The following LMNB1 variants were observed in gnomAD, a reference collection of about 807,000 sequenced individuals.
The protein encoded by LMNB1 is lamin B1.
Under a neutral mutation model 67.1 loss-of-function variants are expected in LMNB1, and 23 were observed. The observed-to-expected ratio is 0.34, with a 90% CI of 0.25 to 0.49. LMNB1 has a LOEUF of 0.49. LMNB1 is among the 20% of genes least tolerant of loss of function. The pLI, the probability that LMNB1 is intolerant of heterozygous loss-of-function variation, is 0.99. For missense variants in LMNB1, 634 were observed against 746.5 expected (o/e 0.85, Z 1.76); for synonymous variants, 281 against 282.9 (o/e 0.99, Z 0.07).
In LMNB1 at chr5:126,830,305, A is replaced by G. The variant is rs1580558868; in HGVS notation, c.1612-2389A>G. Among the ~76,000 whole-genome samples, 3 of 152,222 alleles carry G rather than the reference A, an allele frequency of 2.0e-5. No individual in the cohort carries two copies. The South Asian group carries it at 6.2e-4, about 31-fold the overall frequency. ...CGCAGCAGGGGCGGACCAATGCTGC[A>G]TTTTATAGACAGAGTAAAGCCTGTC... On this transcript the variant is annotated intron_variant, in intron 9 of 10. Coordinates refer to ENST00000261366, the MANE Select transcript of LMNB1 (RefSeq NM_005573.4).
At chr5:126,831,267 G>T (rs1752123441) in intron 9 of LMNB1, among the ~76,000 whole-genome samples, 1 of 152,142 alleles carries the variant, frequency 6.6e-6, no homozygotes, top group African/African-American at 2.4e-5. Context: ...TTAGGACAGG[G>T]TACAGAATAA....
At position 126,822,894 on chromosome 5, in the gene LMNB1, A is replaced by G. The variant is rs1358094690; in HGVS notation, c.1491+9A>G. On this transcript the variant is annotated intron_variant, in intron 8 of 10. Coordinates refer to ENST00000261366, the MANE Select transcript of LMNB1 (RefSeq NM_005573.4). The stretch of plus-strand genomic sequence containing the variant: ...CAGGCCAGACTGTTACAGTAAGTGA[A>G]TCTAGTCATCATTTAATTTAACTTC... 1 of 1,486,726 alleles carries G rather than the reference A, an allele frequency of 6.7e-7. No homozygotes were observed. The highest frequency in any genetic ancestry group is 1.4e-5 in the African/African-American group (1 of 72,356). The allele number at this position is 1,486,726 out of a possible 1,614,324, so 92.1% of individuals were successfully genotyped here. A position where few individuals can be genotyped will look rare whatever the true frequency, so the allele number is the denominator to read the frequency against.
At chr5:126,820,594 C>T (rs1751840558) in intron 6 of LMNB1, among the ~76,000 whole-genome samples, 2 of 152,090 alleles carry the variant, frequency 1.3e-5, no homozygotes, top group Non-Finnish European at 2.9e-5. Flanking sequence ...GGTGTGATCT[C>T]AGCTCACTGC....
intron 1 of LMNB1, among the ~76,000 whole-genome samples, chr5:126,793,303 G>A (rs1751012231): frequency 6.6e-6 from 1 of 151,088 alleles, no homozygotes; most frequent in Non-Finnish European, 1.5e-5. Flanking sequence ...ATACTCCTGT[G>A]CCTGTTTATG....
At chr5:126,809,428 T>G (rs1188423323) in intron 3 of LMNB1, among the ~76,000 whole-genome samples, 3 of 152,184 alleles carry the variant, frequency 2.0e-5, no homozygotes, top group Non-Finnish European at 2.9e-5. Context: ...GGTTCACACC[T>G]GTAATCCCAG....
At chr5:126,825,317 A>T (rs768385438) in intron 8 of LMNB1, among the ~76,000 whole-genome samples, 1 of 152,188 alleles carries the variant, frequency 6.6e-6, no homozygotes, top group African/African-American at 2.4e-5. Flanking sequence ...GACCTATTTC[A>T]ATAGCAATTA....
intron 3 of LMNB1, among the ~76,000 whole-genome samples, chr5:126,807,119 T>C (rs959896157): frequency 5.3e-5 from 8 of 152,092 alleles, no homozygotes; most frequent in African/African-American, 1.9e-4. Flanking sequence ...AAGCCTTAAC[T>C]GCTGTGGTCA....
chr5:126,801,896 T>C (rs1182487358), intron 1 of LMNB1, among the ~76,000 whole-genome samples: 1 of 152,250 alleles, frequency 6.6e-6, no homozygotes, highest in Non-Finnish European at 1.5e-5. Context: ...AAGTATTGTG[T>C]AATACTGCAT....
intron 1 of LMNB1, among the ~76,000 whole-genome samples, chr5:126,801,921 T>A (rs935728901): frequency 1.3e-5 from 2 of 152,250 alleles, no homozygotes; most frequent in Non-Finnish European, 2.9e-5. Context: ...AATATGGTTT[T>A]ATTTTCAGTC....
intron 1 of LMNB1, among the ~76,000 whole-genome samples, chr5:126,783,987 A>C (rs1750696329): frequency 6.7e-6 from 1 of 149,766 alleles, no homozygotes. Flanking sequence ...CTCTTTGATA[A>C]GGAGATTGTG....
At chr5:126,800,340 G>A (rs1751239003) in intron 1 of LMNB1, among the ~76,000 whole-genome samples, 1 of 152,148 alleles carries the variant, frequency 6.6e-6, no homozygotes, top group African/African-American at 2.4e-5. Flanking sequence ...GCTAGGAGAG[G>A]TAAAGCAGGG....
At chr5:126,827,628 C>T (rs1011888880) in intron 9 of LMNB1, among the ~76,000 whole-genome samples, 1 of 152,146 alleles carries the variant, frequency 6.6e-6, no homozygotes, top group Admixed American at 6.5e-5. Context: ...GCCTGGGCGA[C>T]AGAGCAAGAC....
rs944277463 is a variant in LMNB1, at chr5:126,827,536, C to G, written c.1611+1429C>G. Among the ~76,000 whole-genome samples the G allele has an allele frequency of 3.3e-5, 5 of 152,288 alleles. No individual in the cohort carries two copies. In the East Asian group the frequency reaches 9.6e-4, roughly 29 times the overall value. ...ATTAGCCGGGCATGGTGGCACGTGCCTGTAGTCCAGGCTACTCAGGAAGCT... is the reference window on the plus strand; with the variant it reads ...ATTAGCCGGGCATGGTGGCACGTGCGTGTAGTCCAGGCTACTCAGGAAGCT... On this transcript the variant is annotated intron_variant, in intron 9 of 10. Coordinates refer to ENST00000261366, the MANE Select transcript of LMNB1 (RefSeq NM_005573.4).
At chr5:126,820,159 GA>G (rs904850855) in intron 6 of LMNB1, among the ~76,000 whole-genome samples, 3 of 150,462 alleles carry the variant, frequency 2.0e-5, no homozygotes, top group African/African-American at 4.9e-5. Flanking sequence ...AAAAGAAAAA[GA>G]AAAAAAAAGT....
rs1301872755 is a variant in LMNB1, at chr5:126,818,902, A to G, written c.940-20A>G. On this transcript the variant is annotated intron_variant, in intron 5 of 10. Coordinates refer to ENST00000261366, the MANE Select transcript of LMNB1 (RefSeq NM_005573.4). The stretch of plus-strand genomic sequence containing the variant: ...GTTGGAATGTTCCTAGAAAGTAAAT[A>G]TGTTTCCTTGCATCTTAAGTCTAGA... 3.2e-6 allele frequency: 5 copies of G among 1,550,058 alleles called. No homozygotes were observed. In the South Asian group the frequency reaches 3.4e-5, roughly 10 times the overall value.
intron 9 of LMNB1, among the ~76,000 whole-genome samples, chr5:126,829,911 G>C (rs1752090444): frequency 6.6e-6 from 1 of 152,094 alleles, no homozygotes; most frequent in Non-Finnish European, 1.5e-5. Flanking sequence ...GCACTGGGTG[G>C]TTAAAAACAG....
At chr5:126,784,317 C>T (rs1750708147) in intron 1 of LMNB1, among the ~76,000 whole-genome samples, 1 of 151,540 alleles carries the variant, frequency 6.6e-6, no homozygotes, top group Admixed American at 6.6e-5. Flanking sequence ...GCGTGAGCCA[C>T]CGCACCTGGC....
chr5:126,825,842 G>T, intron 8 of LMNB1, 146 bp from the exon 9 acceptor site: 1 of 1,034,044 alleles, frequency 9.7e-7, no homozygotes. Context: ...GAGTTCTCCT[G>T]GCCACATAGC....
chr5:126,792,734 G>T (rs1198939144), intron 1 of LMNB1, among the ~76,000 whole-genome samples: 1 of 151,840 alleles, frequency 6.6e-6, no homozygotes, highest in Non-Finnish European at 1.5e-5. Flanking sequence ...GTGCCACCAC[G>T]CCTGGCTAAT....
Sources: allele counts gnomAD v4.1 joint callset (sites outside exome capture counted in the v4.1 genomes callset), GRCh38; gene constraint gnomAD v4.1.1; transcripts MANE v1.5; gene names NCBI Gene and HGNC (gene_info 2026-07-23, HGNC 2026-07-21).